The following SPAG6 variants were observed in gnomAD, a reference collection of about 807,000 sequenced individuals.
The protein encoded by SPAG6 is sperm associated antigen 6.
Under a neutral mutation model 58.5 loss-of-function variants are expected in SPAG6, and 49 were observed. The ratio of observed to expected loss-of-function variants is 0.84; its 90% CI spans 0.67 to 1.06. SPAG6 has a LOEUF of 1.06. SPAG6 is among the 50% of genes least tolerant of loss of function. The probability of loss-of-function intolerance (pLI) is 0.00; values close to 1 mark genes in which losing one functional copy is unlikely to be tolerated. For synonymous variants in SPAG6, 233 were observed against 225.6 expected, an observed-to-expected ratio of 1.03 and a Z score of -0.29; for missense variants, 560 against 611.3, an observed-to-expected ratio of 0.92 and a Z score of 0.89.
intron 10 of SPAG6, chr10:22,412,494 A>G: frequency 6.5e-7 from 1 of 1,529,264 alleles, no homozygotes; most frequent in Non-Finnish European, 8.8e-7. Flanking sequence ...GAAGTTTATG[A>G]GAACTCCTTG....
At chr10:22,349,074 CCT>C (rs1173710070) in intron 2 of SPAG6, among the ~76,000 whole-genome samples, 1 of 152,160 alleles carries the variant, frequency 6.6e-6, no homozygotes. Flanking sequence ...GTCTCGAACT[CCT>C]GACCTCAAAG....
chr10:22,346,438 T>TCTTCTC (rs1454026975), intron 2 of SPAG6, among the ~76,000 whole-genome samples: 2 of 125,692 alleles, frequency 1.6e-5, no homozygotes, highest in Admixed American at 7.8e-5. Flanking sequence ...TGGTTCTTCT[T>TCTTCTC]CTTCTTCTTC....
At chr10:22,356,084 A>G (rs1239864107) in intron 2 of SPAG6, among the ~76,000 whole-genome samples, 1 of 152,244 alleles carries the variant, frequency 6.6e-6, no homozygotes, top group Non-Finnish European at 1.5e-5. Flanking sequence ...GGTAGTTTCT[A>G]GGTCCATTAG....
chr10:22,411,199 C>T (rs747550966), intron 10 of SPAG6, 23 bp downstream of exon 10: 9 of 1,585,764 alleles, frequency 5.7e-6, no homozygotes, highest in Non-Finnish European at 6.0e-6. Flanking sequence ...GACTTTGAAA[C>T]GTTCAATATT....
chr10:22,375,267 A>G (rs912895516), intron 4 of SPAG6, among the ~76,000 whole-genome samples: 1 of 152,246 alleles, frequency 6.6e-6, no homozygotes, highest in Non-Finnish European at 1.5e-5. Flanking sequence ...TACATGAAGC[A>G]AAATATACTT....
At chr10:22,399,006 A>G (rs1343973267) in intron 8 of SPAG6, among the ~76,000 whole-genome samples, 2 of 152,052 alleles carry the variant, frequency 1.3e-5, no homozygotes, top group Non-Finnish European at 2.9e-5. Flanking sequence ...TTCAATAGAC[A>G]CAGGGTTTCA....
At chr10:22,382,526 G>A (rs1160429455) in intron 4 of SPAG6, among the ~76,000 whole-genome samples, 10 of 152,164 alleles carry the variant, frequency 6.6e-5, no homozygotes, top group Non-Finnish European at 1.5e-4. Context: ...AAAAGTAAAT[G>A]AATATTATTT....
chr10:22,352,998 T>G (rs550731934), intron 2 of SPAG6, among the ~76,000 whole-genome samples: 2 of 152,352 alleles, frequency 1.3e-5, no homozygotes, highest in Admixed American at 1.3e-4. Flanking sequence ...CCTACATTTC[T>G]GATAAAATAT....
intron 2 of SPAG6, among the ~76,000 whole-genome samples, chr10:22,362,760 G>T (rs768071778): frequency 1.3e-5 from 2 of 151,832 alleles, no homozygotes; most frequent in African/African-American, 4.8e-5. Context: ...AAATAAGAAC[G>T]TAATGCTCGA....
intron 2 of SPAG6, among the ~76,000 whole-genome samples, chr10:22,346,431 T>TTCTTCTTCTTCTTCTTCC (rs1836533870): frequency 3.6e-4 from 5 of 13,920 alleles, no homozygotes; most frequent in Admixed American, 2.4e-3. Flanking sequence ...GAGAAAATGG[T>TTCTTCTTCTTCTTCTTCC]TCTTCTTCTT....
intron 10 of SPAG6, chr10:22,412,338 C>A: frequency 1.7e-6 from 1 of 589,332 alleles, no homozygotes; most frequent in Admixed American, 3.1e-5. Flanking sequence ...GTTAATTCTT[C>A]CTGTTTAATA....
chr10:22,353,241 A>G (rs950839022), intron 2 of SPAG6, among the ~76,000 whole-genome samples: 1 of 152,234 alleles, frequency 6.6e-6, no homozygotes, highest in African/African-American at 2.4e-5. Context: ...TGTCCTGTTT[A>G]TTCTTTGTGC....
chr10:22,367,382 T>C lies in SPAG6; in HGVS notation c.289-1113T>C, dbSNP rs139008708. ...GTCAAATCAAAAACATCAGTACTAA[T>C]ATAGCATATTTCTTATATTAGCAAC... On this transcript the variant is annotated intron_variant, in intron 3 of 10. Transcript: ENST00000376624. Among the ~76,000 whole-genome samples the C allele has an allele frequency of 5.9e-5, 9 of 152,302 alleles. 1 individual carries two copies. In the East Asian group the frequency reaches 1.3e-3, roughly 23 times the overall value.
chr10:22,351,167 G>T (rs1188574797), intron 2 of SPAG6, among the ~76,000 whole-genome samples: 3 of 152,200 alleles, frequency 2.0e-5, no homozygotes, highest in African/African-American at 7.2e-5. Flanking sequence ...TCTCTTTGAG[G>T]ACTATCGTGG....
intron 4 of SPAG6, among the ~76,000 whole-genome samples, chr10:22,372,969 C>G (rs908468323): frequency 6.6e-6 from 1 of 152,188 alleles, no homozygotes; most frequent in Non-Finnish European, 1.5e-5. Flanking sequence ...CTGCTCAACA[C>G]TTCCAGAGAT....
intron 6 of SPAG6, among the ~76,000 whole-genome samples, chr10:22,388,245 G>A (rs535249721): frequency 2.0e-5 from 3 of 151,682 alleles, no homozygotes; most frequent in South Asian, 2.1e-4. Flanking sequence ...CCCTTCTCCC[G>A]CAAGTGGTGA....
chr10:22,348,700 T>A (rs931660698), intron 2 of SPAG6, among the ~76,000 whole-genome samples: 8 of 152,388 alleles, frequency 5.2e-5, no homozygotes, highest in African/African-American at 1.9e-4. Flanking sequence ...GTCTCCAATC[T>A]TTTTTATTGT....
chr10:22,371,744 T>C (rs2132059002), intron 4 of SPAG6, among the ~76,000 whole-genome samples: 2 of 152,316 alleles, frequency 1.3e-5, no homozygotes, highest in Middle Eastern at 3.4e-3. Context: ...AAAAGTTCTG[T>C]GTACAGGAAA....
chr10:22,382,572 T>G (rs1260541423), intron 4 of SPAG6, among the ~76,000 whole-genome samples: 1 of 152,170 alleles, frequency 6.6e-6, no homozygotes, highest in Non-Finnish European at 1.5e-5. Context: ...AGAAGAATGA[T>G]ACACTCCTTT....
Sources: gnomAD v4.1 joint callset for allele counts (sites outside exome capture counted in the v4.1 genomes callset) on GRCh38, gnomAD v4.1.1 for gene constraint, MANE v1.5 for transcripts, NCBI Gene and HGNC (gene_info 2026-07-23, HGNC 2026-07-21) for gene names.